The following TSHZ2 variants were observed in gnomAD, a reference collection of about 807,000 sequenced individuals.
TSHZ2 encodes the protein teashirt homolog 2.
TSHZ2 carries 21 observed loss-of-function variants against 74.4 expected under a neutral mutation model. The ratio of observed to expected loss-of-function variants is 0.28; its 90% CI spans 0.20 to 0.41. TSHZ2 has a LOEUF of 0.41. Ranked by LOEUF, TSHZ2 falls within the 10% of genes least tolerant of loss-of-function variation. TSHZ2 has a pLI of 1.00. For synonymous variants in TSHZ2, 540 were observed against 515.3 expected (o/e 1.05, Z -0.65); for missense variants, 1,244 against 1,293.5 (o/e 0.96, Z 0.59).
At chr20:53,400,062 A>G (rs1982601099) in intron 2 of TSHZ2, 1 of 152,840 alleles carries the variant, frequency 6.5e-6, no homozygotes, top group Non-Finnish European at 1.5e-5. Flanking sequence ...CATACTGTAG[A>G]GTGCTGAGCA....
At chr20:53,251,333 C>T (rs2123715094) in intron 1 of TSHZ2, among the ~76,000 whole-genome samples, 1 of 152,248 alleles carries the variant, frequency 6.6e-6, no homozygotes, top group Admixed American at 6.5e-5. Flanking sequence ...TCAGTAACAA[C>T]TTATTTTATC....
chr20:53,187,595 T>C (rs1293383), intron 1 of TSHZ2, among the ~76,000 whole-genome samples: 28,393 of 152,028 alleles, frequency 0.19, 2,816 homozygotes, highest in Admixed American at 0.26. Context: ...AGAACAGCTG[T>C]GGGATTTTAG....
intron 2 of TSHZ2, among the ~76,000 whole-genome samples, chr20:53,384,085 G>T (rs1309088619): frequency 1.3e-5 from 2 of 152,116 alleles, no homozygotes; most frequent in Admixed American, 6.5e-5. Flanking sequence ...CCCAGGGAAG[G>T]CCCCCAGAGA....
intron 1 of TSHZ2, among the ~76,000 whole-genome samples, chr20:53,103,298 CTCTT>C (rs1423230944): frequency 5.3e-5 from 8 of 152,164 alleles, no homozygotes; most frequent in Admixed American, 3.9e-4. Flanking sequence ...TTCTACTTCT[CTCTT>C]TATTTCTCAA....
At chr20:53,290,255 G>C (rs956121771) in intron 2 of TSHZ2, among the ~76,000 whole-genome samples, 2 of 151,036 alleles carry the variant, frequency 1.3e-5, no homozygotes, top group Non-Finnish European at 2.9e-5. Flanking sequence ...TATATTTTCT[G>C]CTTGGCCCCT....
chr20:53,408,599 G>A (rs1436999548), intron 2 of TSHZ2, among the ~76,000 whole-genome samples: 1 of 150,834 alleles, frequency 6.6e-6, no homozygotes, highest in Non-Finnish European at 1.5e-5. Context: ...CAAATGAGTT[G>A]AGGCCATTTC....
chr20:53,147,865 C>T (rs1402448548), intron 1 of TSHZ2, among the ~76,000 whole-genome samples: 4 of 152,142 alleles, frequency 2.6e-5, no homozygotes, highest in African/African-American at 9.7e-5. Flanking sequence ...TATAGGCATG[C>T]ACCACCACGC....
At chr20:53,348,270 G>A (rs1256185457) in intron 2 of TSHZ2, among the ~76,000 whole-genome samples, 1 of 152,060 alleles carries the variant, frequency 6.6e-6, no homozygotes, top group Non-Finnish European at 1.5e-5. Context: ...AACAAAATGT[G>A]GTATATCCAT....
intron 1 of TSHZ2, among the ~76,000 whole-genome samples, chr20:53,146,367 G>A (rs143805850): frequency 4.6e-5 from 7 of 152,040 alleles, no homozygotes; most frequent in Admixed American, 3.9e-4. Context: ...ATTGGTGCCC[G>A]CACCTCACAC....
At chr20:53,411,703 C>T (rs1983060447) in intron 2 of TSHZ2, among the ~76,000 whole-genome samples, 1 of 152,074 alleles carries the variant, frequency 6.6e-6, no homozygotes, top group African/African-American at 2.4e-5. Flanking sequence ...TTGGCACGTG[C>T]ATGTAATCCC....
At chr20:53,321,408 A>G (rs1979255452) in intron 2 of TSHZ2, among the ~76,000 whole-genome samples, 1 of 152,084 alleles carries the variant, frequency 6.6e-6, no homozygotes, top group African/African-American at 2.4e-5. Flanking sequence ...ATTCCTTGTC[A>G]GGTGCGGTGG....
At chr20:53,357,938 G>C (rs1980904633) in intron 2 of TSHZ2, among the ~76,000 whole-genome samples, 1 of 152,128 alleles carries the variant, frequency 6.6e-6, no homozygotes. Context: ...CAAATACAGA[G>C]ACAAGAAGAT....
intron 1 of TSHZ2, among the ~76,000 whole-genome samples, chr20:53,073,278 A>C (rs1288753004): frequency 3.6e-5 from 5 of 137,390 alleles, no homozygotes; most frequent in African/African-American, 1.1e-4. Context: ...CCATCCCTCC[A>C]TTCATCCATC....
At chr20:53,057,712 GC>G (rs1984687739) in intron 1 of TSHZ2, among the ~76,000 whole-genome samples, 1 of 152,156 alleles carries the variant, frequency 6.6e-6, no homozygotes, top group Admixed American at 6.5e-5. Context: ...TGCTTTAGCA[GC>G]CCTGGACACT....
intron 2 of TSHZ2, among the ~76,000 whole-genome samples, chr20:53,271,456 A>G (rs999552372): frequency 5.3e-5 from 8 of 152,262 alleles, no homozygotes; most frequent in African/African-American, 1.7e-4. Flanking sequence ...ATAACTAAAA[A>G]TATAGCAACC....
At chr20:53,171,139 C>T (rs1746887378) in intron 1 of TSHZ2, among the ~76,000 whole-genome samples, 1 of 152,124 alleles carries the variant, frequency 6.6e-6, no homozygotes, top group Admixed American at 6.5e-5. Context: ...ATTAAGGCAC[C>T]AGCCCTCGAT....
chr20:53,233,167 A>C (rs965179519), intron 1 of TSHZ2, among the ~76,000 whole-genome samples: 45 of 152,246 alleles, frequency 3.0e-4, no homozygotes, highest in African/African-American at 1.1e-3. Context: ...CCAAGATGTT[A>C]AAATGTGGAA....
At chr20:53,202,666 A>G (rs951307819) in intron 1 of TSHZ2, among the ~76,000 whole-genome samples, 2 of 152,200 alleles carry the variant, frequency 1.3e-5, no homozygotes, top group African/African-American at 4.8e-5. Flanking sequence ...GATACATTTC[A>G]GAAATGTCTA....
chr20:53,358,337 T>C (rs1318692382), intron 2 of TSHZ2, among the ~76,000 whole-genome samples: 1 of 142,906 alleles, frequency 7.0e-6, no homozygotes. Flanking sequence ...TTCTTTTTTT[T>C]TTTTTTTTTT....
Sources: gnomAD v4.1 joint callset for allele counts (sites outside exome capture counted in the v4.1 genomes callset) on GRCh38, gnomAD v4.1.1 for gene constraint, MANE v1.5 for transcripts, NCBI Gene and HGNC (gene_info 2026-07-23, HGNC 2026-07-21) for gene names.